Variants in UTP6 observed in about 807,000 individuals in gnomAD.
UTP6 encodes the protein UTP6 small subunit processome component, also known as U3 small nucleolar RNA-associated protein 6 homolog.
UTP6 carries 60 observed loss-of-function variants against 96.5 expected under a neutral mutation model. That is an observed-to-expected ratio of 0.62 (90% confidence interval 0.51 to 0.77). The LOEUF is 0.77. Among genes scored for constraint, UTP6 ranks in the 30% least tolerant of loss-of-function variants. The pLI is 0.00. For missense variants in UTP6, 637 were observed against 706.5 expected, an observed-to-expected ratio of 0.90 and a Z score of 1.12; for synonymous variants, 215 against 240.1, an observed-to-expected ratio of 0.90 and a Z score of 0.96.
chr17:31,893,844 C>T (rs1904475654), intron 4 of UTP6, among the ~76,000 whole-genome samples: 1 of 151,920 alleles, frequency 6.6e-6, no homozygotes, highest in Non-Finnish European at 1.5e-5. Context: ...GATAATTCAA[C>T]CTTTCCCCCA....
At chr17:31,894,890 C>A (rs970006519) in intron 3 of UTP6, 80 bp downstream of exon 3, 6 of 1,368,570 alleles carry the variant, frequency 4.4e-6, no homozygotes, top group Non-Finnish European at 6.2e-6. Flanking sequence ...AACACTGTCT[C>A]CCAAACACAA....
chr17:31,868,045 C>T lies in UTP6; in HGVS notation c.1563+1G>A. On this transcript the variant is annotated splice_donor_variant, in intron 17 of 18. Coordinates refer to ENST00000261708, the MANE Select transcript of UTP6 (RefSeq NM_018428.3). LOFTEE classifies it high-confidence loss of function. ...AAGAAATGCTGAAACAGAACACTTACTTGCTCCTTTTCAAACTGAATCATT... is the reference window on the plus strand; with the variant it reads ...AAGAAATGCTGAAACAGAACACTTATTTGCTCCTTTTCAAACTGAATCATT... 6.2e-7 allele frequency: 1 copy of T among 1,612,916 alleles called. No homozygotes were observed. Among genetic ancestry groups the T allele is most frequent in the East Asian group, 2.2e-5 (1 of 44,834 alleles).
rs753539882 is a variant in UTP6 at position 31,894,996 on chromosome 17, A to G, written c.193T>C (p.Leu65=). The G allele has an allele frequency of 6.5e-7, 1 of 1,547,530 alleles. No homozygotes were observed. The highest frequency in any genetic ancestry group is 2.1e-5 in the Admixed American group (1 of 46,700). Residue 65 remains leucine, a synonymous_variant, in exon 3 of 19, where the codon TTG becomes CTG. Transcript: ENST00000261708. ...GTTCTTCTTCTCTGGATCAGCTCCAAAAGATTAATTTCATACTATGAAAGA... is the reference window on the plus strand; with the variant it reads ...GTTCTTCTTCTCTGGATCAGCTCCAGAAGATTAATTTCATACTATGAAAGA... ...INYVQYEINL[L]ELIQRRRTRI... is the part of the protein sequence containing the mutation.
At chr17:31,872,817 A>G (rs1342455605) in intron 16 of UTP6, among the ~76,000 whole-genome samples, 5 of 147,884 alleles carry the variant, frequency 3.4e-5, no homozygotes, top group Non-Finnish European at 7.7e-5. Flanking sequence ...CCTGGCCAAC[A>G]TGATGAAACC....
In UTP6 at chr17:31,881,169, T is replaced by A. The variant is rs377128220; in HGVS notation, c.786-415A>T. 4.0e-3 allele frequency among the ~76,000 whole-genome samples: 588 copies of A among 145,850 alleles called. 3 individuals carry two copies. The highest frequency in any genetic ancestry group is 0.014 in the African/African-American group (552 of 39,854). ...ATGGGCGACAGAGCGAGACTCTGTC[T>A]CAAAAAAAAAAAAAATATATTTCCC... is the stretch of plus-strand genomic sequence containing the variant. On this transcript the variant is annotated intron_variant, in intron 10 of 18. Transcript: ENST00000261708.
At chr17:31,884,064 T>C (rs1381172654) in intron 10 of UTP6, among the ~76,000 whole-genome samples, 1 of 150,562 alleles carries the variant, frequency 6.6e-6, no homozygotes, top group Non-Finnish European at 1.5e-5. Flanking sequence ...AATTGTGGGA[T>C]CTTGGCTCAC....
At chr17:31,866,228 A>G (rs1456409971) in intron 17 of UTP6, among the ~76,000 whole-genome samples, 5 of 148,044 alleles carry the variant, frequency 3.4e-5, no homozygotes, top group Non-Finnish European at 7.4e-5. Context: ...TGGAGCTTGC[A>G]GTGAGCCGAG....
At chr17:31,892,459 G>C in intron 5 of UTP6, 136 bp from the exon 6 acceptor site, 1 of 937,970 alleles carries the variant, frequency 1.1e-6, no homozygotes, top group Admixed American at 2.7e-5. Context: ...ATATATAAAC[G>C]AACACAGACC....
At chr17:31,878,637 T>A (rs1205624147) in intron 12 of UTP6, 65 bp downstream of exon 12, 16 of 1,445,082 alleles carry the variant, frequency 1.1e-5, no homozygotes, top group Non-Finnish European at 1.4e-5. Flanking sequence ...AAAAGATCTG[T>A]GCTTCTGTTC....
rs556355034 is a variant in UTP6, at chr17:31,894,936, T to C, written c.219+34A>G. ...TACAGCCATACTGCTTAGTTCTGTA[T>C]TTTTCTCCAACTTCTAGAAAATCTT... On this transcript the variant is annotated intron_variant, in intron 3 of 18. Transcript: ENST00000261708. 32 of 1,550,096 alleles carry C rather than the reference T, an allele frequency of 2.1e-5. No homozygotes were observed. In the South Asian group the frequency reaches 3.6e-4, roughly 17 times the overall value.
intron 8 of UTP6, 40 bp from the exon 9 acceptor site, chr17:31,886,101 C>G: frequency 6.4e-7 from 1 of 1,571,902 alleles, no homozygotes; most frequent in Non-Finnish European, 8.7e-7. Context: ...ACAGGTAGTA[C>G]AAGGAGGAAA....
In UTP6 at chr17:31,885,999, A is replaced by G. The variant is rs1258921570; in HGVS notation, c.684T>C (p.Asn228=). ...KGELAWIIYK[N]SVSIIKGAEF... The stretch of plus-strand genomic sequence containing the variant: ...ACCTACCTTTAATTATGCTTACAGA[A>G]TTTTTGTAGATGATCCATGCCAACT... The change falls in exon 9 of 19, where the codon AAT becomes AAC. Residue 228 remains asparagine (N), a synonymous_variant. Transcript: ENST00000261708. 6.2e-7 allele frequency: 1 copy of G among 1,613,540 alleles called. No homozygotes were observed. The highest frequency in any genetic ancestry group is 1.7e-5 in the Admixed American group (1 of 59,884).
Position 31,884,441 on chromosome 17 carries a change from T to C in UTP6, c.768A>G (p.Gln256=), listed in dbSNP as rs778940261. The C allele has an allele frequency of 9.9e-6, 16 of 1,611,450 alleles. No individual in the cohort carries two copies. The highest frequency in any genetic ancestry group is 1.2e-5 in the Non-Finnish European group (14 of 1,178,966). The change falls in exon 10 of 19, where the codon CAA becomes CAG. Residue 256 remains glutamine, a synonymous_variant. Coordinates refer to ENST00000261708, the MANE Select transcript of UTP6 (RefSeq NM_018428.3). ...TTACTTACTCATCATAAATCTCTTT[T>C]TGTAGATCTTTGGCAAAGTCAAATA... ...AQLFDFAKDL[Q]KEIYDDLQAL... is the part of the protein sequence containing the mutation.
At chr17:31,872,309 G>A (rs920620287) in intron 16 of UTP6, among the ~76,000 whole-genome samples, 4 of 151,954 alleles carry the variant, frequency 2.6e-5, no homozygotes, top group Non-Finnish European at 4.4e-5. Flanking sequence ...TTCCTTCGAT[G>A]ATGTAATAAA....
intron 16 of UTP6, among the ~76,000 whole-genome samples, chr17:31,870,692 T>C (rs1910112688): frequency 1.3e-5 from 2 of 151,610 alleles, no homozygotes; most frequent in Non-Finnish European, 2.9e-5. Flanking sequence ...TGACTAATTT[T>C]TTTTGTATTT....
chr17:31,892,833 C>T lies in UTP6; in HGVS notation c.313-39G>A, dbSNP rs867200876. The T allele has an allele frequency of 3.1e-6, 5 of 1,612,722 alleles. No homozygotes were observed. In the Middle Eastern group the frequency reaches 6.6e-4, roughly 213 times the overall value. On this transcript the variant is annotated intron_variant, in intron 4 of 18. Transcript: ENST00000261708. ...AATGTAGTAAGCTGCCCAAATTTGA[C>T]CTTTACATATAATACACCTTTGCAT...
chr17:31,881,320 G>A (rs1910827333), intron 10 of UTP6, among the ~76,000 whole-genome samples: 2 of 146,326 alleles, frequency 1.4e-5, no homozygotes, highest in African/African-American at 2.5e-5. Flanking sequence ...AGGCTGGAGT[G>A]CAGTGGCACA....
At chr17:31,883,380 A>G (rs1035395366) in intron 10 of UTP6, among the ~76,000 whole-genome samples, 5 of 151,356 alleles carry the variant, frequency 3.3e-5, no homozygotes, top group Non-Finnish European at 5.9e-5. Context: ...CAATGGCACA[A>G]TCTTGGCTCA....
At chr17:31,879,112 C>T (rs532827131) in intron 11 of UTP6, among the ~76,000 whole-genome samples, 8 of 152,126 alleles carry the variant, frequency 5.3e-5, no homozygotes, top group East Asian at 1.9e-4. Flanking sequence ...TAATTAAGGG[C>T]GAGGCAGTGG....
Sources: allele counts gnomAD v4.1 joint callset (sites outside exome capture counted in the v4.1 genomes callset), GRCh38; gene constraint gnomAD v4.1.1; transcripts MANE v1.5; gene names NCBI Gene and HGNC (gene_info 2026-07-23, HGNC 2026-07-21).